ROBO1: variants seen among roughly 807,000 people sequenced by gnomAD.
ROBO1 encodes roundabout guidance receptor 1.
A neutral mutation model predicts 195.9 loss-of-function variants in ROBO1; 149 were observed. That is an observed-to-expected ratio of 0.76 (90% CI 0.67 to 0.87). The LOEUF is 0.87. ROBO1 is among the 40% of genes least tolerant of loss of function. ROBO1 has a pLI of 0.00. For missense variants in ROBO1, 1,933 were observed against 2,068.3 expected (o/e 0.93, Z 1.27); for synonymous variants, 816 against 733.2 (o/e 1.11, Z -1.82).
At position 78,600,292 on chromosome 3, in the gene ROBO1, A is replaced by C; in HGVS notation, c.4762T>G (p.Cys1588Gly). 6.2e-7 allele frequency: 1 copy of C among 1,604,090 alleles called. No individual in the cohort carries two copies. The highest frequency in any genetic ancestry group is 2.2e-5 in the East Asian group (1 of 44,798). ...HLIQEDILPY[C>G]RPTFPTSNNP... Reference sequence around the variant, plus strand: ...TTTGATGTTGGAAAAGTAGGTCTACAATAAGGTAGAATATCCTCTGTGTAA... The same window carrying C: ...TTTGATGTTGGAAAAGTAGGTCTACCATAAGGTAGAATATCCTCTGTGTAA... The change falls in exon 30 of 31, where the codon TGT becomes GGT. Residue 1588 changes from cysteine to glycine, a missense_variant. Transcript: ENST00000464233.
intron 8 of ROBO1, among the ~76,000 whole-genome samples, chr3:78,697,959 C>T (rs2081338106): frequency 6.6e-6 from 1 of 151,930 alleles, no homozygotes; most frequent in African/African-American, 2.4e-5. Flanking sequence ...ATCATCTCGA[C>T]TATGGAATTC....
chr3:79,750,611 G>T (rs1450034782), intron 1 of ROBO1, among the ~76,000 whole-genome samples: 5 of 152,164 alleles, frequency 3.3e-5, no homozygotes, highest in Admixed American at 3.3e-4. Context: ...TTGTGACAGT[G>T]AATGAATCTC....
intron 3 of ROBO1, among the ~76,000 whole-genome samples, chr3:78,950,001 T>C (rs2040683491): frequency 6.6e-6 from 1 of 152,036 alleles, no homozygotes; most frequent in African/African-American, 2.4e-5. Flanking sequence ...CATTAAAAAG[T>C]CAGGAAACAA....
intron 4 of ROBO1, among the ~76,000 whole-genome samples, chr3:78,815,591 C>A (rs1019971334): frequency 1.4e-5 from 2 of 144,870 alleles, no homozygotes; most frequent in Admixed American, 1.4e-4. Context: ...TGGTTCATGG[C>A]ATTTAAGAAA....
intron 1 of ROBO1, among the ~76,000 whole-genome samples, chr3:79,762,730 C>T (rs1190491637): frequency 6.6e-6 from 1 of 151,956 alleles, no homozygotes; most frequent in Admixed American, 6.6e-5. Flanking sequence ...AGAATTCATG[C>T]TTCATATCAC....
chr3:79,523,164 C>T (rs1308921338), intron 2 of ROBO1, among the ~76,000 whole-genome samples: 1 of 47,354 alleles, frequency 2.1e-5, no homozygotes, highest in Non-Finnish European at 3.4e-5. Context: ...TCATAAACCA[C>T]ACACACACAC....
chr3:79,215,413 C>T (rs1420772573), intron 2 of ROBO1, among the ~76,000 whole-genome samples: 5 of 151,948 alleles, frequency 3.3e-5, no homozygotes, highest in East Asian at 1.9e-4. Flanking sequence ...ATAAACTAAT[C>T]GGAGGAAGGA....
chr3:79,027,910 A>C (rs1039941079), intron 3 of ROBO1, among the ~76,000 whole-genome samples: 1 of 152,062 alleles, frequency 6.6e-6, no homozygotes, highest in Non-Finnish European at 1.5e-5. Flanking sequence ...GTGTTTGCTG[A>C]AGCCAGTGAA....
At chr3:79,556,647 T>G (rs1942711370) in intron 2 of ROBO1, among the ~76,000 whole-genome samples, 1 of 151,992 alleles carries the variant, frequency 6.6e-6, no homozygotes, top group Admixed American at 6.6e-5. Context: ...ATTGTATATA[T>G]GTATGTATGC....
intron 1 of ROBO1, among the ~76,000 whole-genome samples, chr3:79,716,571 T>C (rs1407963031): frequency 2.0e-5 from 3 of 151,922 alleles, no homozygotes; most frequent in Admixed American, 1.3e-4. Flanking sequence ...TGGGAGCAGG[T>C]TGCATATATT....
chr3:79,563,359 G>T (rs1024171660), intron 2 of ROBO1, among the ~76,000 whole-genome samples: 1 of 151,986 alleles, frequency 6.6e-6, no homozygotes, highest in Non-Finnish European at 1.5e-5. Flanking sequence ...CCCCATAAAA[G>T]CGTGTGTATT....
At chr3:78,946,408 T>C (rs998905864) in intron 3 of ROBO1, among the ~76,000 whole-genome samples, 7 of 152,206 alleles carry the variant, frequency 4.6e-5, no homozygotes, top group Admixed American at 2.6e-4. Context: ...CACAATTTCA[T>C]ATCCAGCCAA....
chr3:79,420,610 C>T (rs1257719364), intron 2 of ROBO1, among the ~76,000 whole-genome samples: 21 of 152,166 alleles, frequency 1.4e-4, no homozygotes, highest in Non-Finnish European at 2.9e-5. Flanking sequence ...CGTAGAGTCT[C>T]TTTCAGCACT....
At chr3:79,716,968 A>G (rs751160623) in intron 1 of ROBO1, among the ~76,000 whole-genome samples, 3 of 152,016 alleles carry the variant, frequency 2.0e-5, no homozygotes, top group Non-Finnish European at 4.4e-5. Flanking sequence ...AAGTAACTAC[A>G]TACCTAATCA....
chr3:79,046,643 A>T (rs1322398568), intron 3 of ROBO1, among the ~76,000 whole-genome samples: 1 of 151,980 alleles, frequency 6.6e-6, no homozygotes, highest in East Asian at 1.9e-4. Flanking sequence ...GAAAATAAAG[A>T]ATTAGGAAGA....
At chr3:78,884,944 C>T (rs1198349210) in intron 4 of ROBO1, among the ~76,000 whole-genome samples, 4 of 150,400 alleles carry the variant, frequency 2.7e-5, no homozygotes, top group South Asian at 2.1e-4. Context: ...TTGCTTTGTA[C>T]GAAGGCTGCA....
chr3:78,708,975 T>C (rs1033245226), intron 8 of ROBO1, among the ~76,000 whole-genome samples: 2 of 152,180 alleles, frequency 1.3e-5, no homozygotes, highest in African/African-American at 2.4e-5. Context: ...AAAAAGATGC[T>C]TGATTTTGTT....
chr3:78,637,424 T>C (rs1705590330), intron 22 of ROBO1, among the ~76,000 whole-genome samples: 1 of 152,220 alleles, frequency 6.6e-6, no homozygotes, highest in South Asian at 2.1e-4. Context: ...TCTATATTTG[T>C]GTTATCCAAC....
At chr3:79,508,683 A>C (rs1940540546) in intron 2 of ROBO1, among the ~76,000 whole-genome samples, 1 of 152,194 alleles carries the variant, frequency 6.6e-6, no homozygotes, top group African/African-American at 2.4e-5. Flanking sequence ...AGAATGCAGG[A>C]TCTGGCATCC....
Sources: allele counts gnomAD v4.1 joint callset (sites outside exome capture counted in the v4.1 genomes callset), GRCh38; gene constraint gnomAD v4.1.1; transcripts MANE v1.5; gene names NCBI Gene and HGNC (gene_info 2026-07-23, HGNC 2026-07-21).